CCSER1: variants seen among roughly 807,000 people sequenced by gnomAD.
CCSER1 encodes coiled-coil serine rich protein 1.
Under a neutral mutation model 82.0 loss-of-function variants are expected in CCSER1, and 41 were observed. That is an observed-to-expected ratio of 0.50 (90% CI 0.39 to 0.65). CCSER1 has a LOEUF of 0.65. CCSER1 is among the 30% of genes least tolerant of loss of function. The pLI is 0.00. For missense variants in CCSER1, 1,119 were observed against 1,064.2 expected, an observed-to-expected ratio of 1.05 and a Z score of -0.72; for synonymous variants, 414 against 383.9, an observed-to-expected ratio of 1.08 and a Z score of -0.92.
chr4:90,140,839 G>A (rs1724626485), intron 1 of CCSER1, among the ~76,000 whole-genome samples: 1 of 150,972 alleles, frequency 6.6e-6, no homozygotes, highest in Admixed American at 6.6e-5. Flanking sequence ...TAATTTTTTT[G>A]TATTTTTAGT....
chr4:90,496,281 C>T (rs977546924), intron 5 of CCSER1, among the ~76,000 whole-genome samples: 1 of 152,080 alleles, frequency 6.6e-6, no homozygotes, highest in African/African-American at 2.4e-5. Context: ...AGAAAATGAT[C>T]TGTGACAGAT....
At chr4:90,840,193 G>A (rs1013098034) in intron 8 of CCSER1, among the ~76,000 whole-genome samples, 9 of 152,072 alleles carry the variant, frequency 5.9e-5, no homozygotes. Context: ...TTTTAGTAGA[G>A]AGAAAAATTT....
At chr4:91,373,481 A>G (rs1299749365) in intron 10 of CCSER1, among the ~76,000 whole-genome samples, 2 of 152,154 alleles carry the variant, frequency 1.3e-5, no homozygotes, top group Admixed American at 1.3e-4. Flanking sequence ...CTTTGATGCT[A>G]CTGTTTTAAT....
At chr4:91,358,795 C>G (rs1749042761) in intron 10 of CCSER1, among the ~76,000 whole-genome samples, 2 of 152,232 alleles carry the variant, frequency 1.3e-5, no homozygotes, top group Admixed American at 1.3e-4. Flanking sequence ...GCGAGGTGTT[C>G]CACTGGGGCA....
intron 10 of CCSER1, among the ~76,000 whole-genome samples, chr4:91,323,088 A>G (rs1746303129): frequency 1.3e-5 from 2 of 152,164 alleles, no homozygotes; most frequent in African/African-American, 4.8e-5. Flanking sequence ...TAAAAGAGGA[A>G]TATCCATTAG....
intron 10 of CCSER1, among the ~76,000 whole-genome samples, chr4:91,306,123 T>A (rs1745059406): frequency 6.6e-6 from 1 of 150,840 alleles, no homozygotes; most frequent in Non-Finnish European, 1.5e-5. Flanking sequence ...TAACAGAAAT[T>A]TTTTTCATGA....
At chr4:90,964,286 T>C (rs2150382260) in intron 9 of CCSER1, among the ~76,000 whole-genome samples, 1 of 152,330 alleles carries the variant, frequency 6.6e-6, no homozygotes, top group East Asian at 1.9e-4. Flanking sequence ...TTTTTTTGTA[T>C]CTATAAATAT....
chr4:90,590,840 C>CAATG (rs1782603447), intron 5 of CCSER1, among the ~76,000 whole-genome samples: 1 of 152,254 alleles, frequency 6.6e-6, no homozygotes, highest in East Asian at 1.9e-4. Flanking sequence ...TGAATAAAGT[C>CAATG]AATGGTAGCT....
intron 9 of CCSER1, among the ~76,000 whole-genome samples, chr4:90,992,287 G>A (rs1405936743): frequency 6.6e-6 from 1 of 151,928 alleles, no homozygotes; most frequent in Non-Finnish European, 1.5e-5. Flanking sequence ...CAGATACATC[G>A]AGTGGGAATT....
intron 10 of CCSER1, among the ~76,000 whole-genome samples, chr4:91,291,665 G>A (rs1368526144): frequency 6.6e-6 from 1 of 151,932 alleles, no homozygotes; most frequent in Non-Finnish European, 1.5e-5. Flanking sequence ...CCAAGGGGAC[G>A]GTGCTAAACC....
chr4:90,332,561 G>C (rs1739514113), intron 3 of CCSER1, among the ~76,000 whole-genome samples: 1 of 152,136 alleles, frequency 6.6e-6, no homozygotes, highest in Non-Finnish European at 1.5e-5. Context: ...TAATTTCATA[G>C]TTACAAGGAA....
chr4:90,814,969 G>C (rs946259892), intron 7 of CCSER1, among the ~76,000 whole-genome samples: 4 of 152,012 alleles, frequency 2.6e-5, no homozygotes, highest in Non-Finnish European at 5.9e-5. Flanking sequence ...TATCTTTATA[G>C]CAGTGCCCCA....
At chr4:90,352,983 G>GCTAATAT (rs144869962) in intron 3 of CCSER1, among the ~76,000 whole-genome samples, 42,542 of 151,830 alleles carry the variant, frequency 0.28, 6,548 homozygotes, top group African/African-American at 0.41. Context: ...AGCTATTTTA[G>GCTAATAT]GAACTGAGGA....
At position 91,013,203 on chromosome 4, in the gene CCSER1, TTA is replaced by T. The variant is rs1360714441; in HGVS notation, c.2173-72745_2173-72744del. Among the ~76,000 whole-genome samples the T allele has an allele frequency of 1.5e-5, 2 of 134,712 alleles. 1 individual carries two copies. The highest frequency in any genetic ancestry group is 3.5e-5 in the Non-Finnish European group (2 of 57,934). The allele number at this position is 134,712 out of a possible 152,430, so 88.4% of individuals were successfully genotyped here. On this transcript the variant is annotated intron_variant, in intron 9 of 10. Coordinates refer to ENST00000509176, the MANE Select transcript of CCSER1 (RefSeq NM_001145065.2). Reference sequence around the variant, plus strand: ...TCCAGGAGTTTTTTTATTTCAAGTCTTATGTTTAAGTCTTTAATTCATTTTGA... The same window carrying T: ...TCCAGGAGTTTTTTTATTTCAAGTCTTGTTTAAGTCTTTAATTCATTTTGA...
At position 91,598,612 on chromosome 4, in the gene CCSER1, C is replaced by G; in HGVS notation, c.2258C>G (p.Thr753Arg). The change falls in exon 11 of 11, where the codon ACA becomes AGA. Residue 753 changes from threonine to arginine, a missense_variant. Physicochemically the swap from Thr to Arg is moderately conservative, Grantham distance 71. Transcript: ENST00000509176. Reference protein sequence around the residue: ...RNRIVSQNLSTRDRKAIHTPT... With the variant: ...RNRIVSQNLSRRDRKAIHTPT... ...CGAATTGTGAGCCAAAATCTCAGCA[C>G]AAGGGACAGAAAAGCAATACATACT... 6.4e-7 allele frequency: 1 copy of G among 1,550,872 alleles called. No individual in the cohort carries two copies. The highest frequency in any genetic ancestry group is 8.7e-7 in the Non-Finnish European group (1 of 1,146,490).
intron 7 of CCSER1, among the ~76,000 whole-genome samples, chr4:90,793,494 G>C (rs1364465386): frequency 6.6e-6 from 1 of 152,124 alleles, no homozygotes; most frequent in Non-Finnish European, 1.5e-5. Flanking sequence ...TACTGCAAAG[G>C]ACGTAATCTT....
At chr4:90,935,070 G>A (rs1010276428) in intron 9 of CCSER1, among the ~76,000 whole-genome samples, 9 of 151,902 alleles carry the variant, frequency 5.9e-5, no homozygotes, top group Non-Finnish European at 1.0e-4. Flanking sequence ...TATATATGAT[G>A]AATAACTAGA....
chr4:91,387,516 C>A (rs974844792), intron 10 of CCSER1, among the ~76,000 whole-genome samples: 3 of 151,930 alleles, frequency 2.0e-5, no homozygotes, highest in Admixed American at 6.6e-5. Flanking sequence ...AAATATTATA[C>A]TTTAGCTTAT....
At chr4:91,204,397 C>CTT (rs1307232326) in intron 10 of CCSER1, among the ~76,000 whole-genome samples, 1 of 151,772 alleles carries the variant, frequency 6.6e-6, no homozygotes, top group African/African-American at 2.4e-5. Context: ...AAGCCCTTAA[C>CTT]TTCAGCATGC....
Sources: allele counts gnomAD v4.1 joint callset (sites outside exome capture counted in the v4.1 genomes callset), GRCh38; gene constraint gnomAD v4.1.1; transcripts MANE v1.5; gene names NCBI Gene and HGNC (gene_info 2026-07-23, HGNC 2026-07-21).